NDST3: variants seen among roughly 807,000 people sequenced by gnomAD.
The protein encoded by NDST3 is N-deacetylase and N-sulfotransferase 3.
In NDST3, 58 loss-of-function variants were observed where a neutral mutation model predicts 96.1. That is an observed-to-expected ratio of 0.60 (90% CI 0.49 to 0.75). NDST3 has a LOEUF of 0.75. Among genes scored for constraint, NDST3 ranks in the 30% least tolerant of loss-of-function variants. The probability of loss-of-function intolerance (pLI) is 0.00; values close to 1 mark genes in which losing one functional copy is unlikely to be tolerated. For missense variants in NDST3, 788 were observed against 1,034.2 expected (o/e 0.76, Z 3.27); for synonymous variants, 333 against 359.7 (o/e 0.93, Z 0.84).
intron 6 of NDST3, among the ~76,000 whole-genome samples, chr4:118,160,838 G>A (rs200075969): frequency 6.6e-6 from 1 of 152,018 alleles, no homozygotes; most frequent in African/African-American, 2.4e-5. Context: ...GCTCGGAGTA[G>A]TTTGATCGTC....
intron 1 of NDST3, among the ~76,000 whole-genome samples, chr4:118,050,221 G>T (rs565771582): frequency 1.3e-5 from 2 of 152,082 alleles, no homozygotes; most frequent in African/African-American, 4.8e-5. Context: ...AGGCATTAAA[G>T]GAACATATCT....
intron 6 of NDST3, among the ~76,000 whole-genome samples, chr4:118,191,806 T>G (rs535409264): frequency 1.9e-3 from 286 of 152,346 alleles, no homozygotes; most frequent in African/African-American, 6.4e-3. Context: ...AGTTTGATAG[T>G]AGGATTGCTG....
chr4:118,182,278 G>T (rs913849257), intron 6 of NDST3, among the ~76,000 whole-genome samples: 5 of 152,172 alleles, frequency 3.3e-5, no homozygotes, highest in Non-Finnish European at 7.3e-5. Context: ...AGCTGTTCAT[G>T]GGAGGGAAGG....
At chr4:118,116,333 T>G (rs995243419) in intron 4 of NDST3, among the ~76,000 whole-genome samples, 2 of 152,122 alleles carry the variant, frequency 1.3e-5, no homozygotes, top group African/African-American at 2.4e-5. Flanking sequence ...AAAGCACCAG[T>G]AAAAGATAAG....
chr4:118,174,837 G>A (rs984029906), intron 6 of NDST3, among the ~76,000 whole-genome samples: 3 of 152,170 alleles, frequency 2.0e-5, no homozygotes, highest in South Asian at 2.1e-4. Flanking sequence ...TTTAGAATCC[G>A]ACTGTGACTA....
intron 6 of NDST3, among the ~76,000 whole-genome samples, chr4:118,161,548 T>C (rs1422940805): frequency 6.6e-6 from 1 of 152,140 alleles, no homozygotes; most frequent in Non-Finnish European, 1.5e-5. Context: ...CCCAGATGCT[T>C]TGTTTACCTA....
At chr4:118,175,261 G>A (rs936167241) in intron 6 of NDST3, among the ~76,000 whole-genome samples, 5 of 151,976 alleles carry the variant, frequency 3.3e-5, no homozygotes, top group African/African-American at 1.2e-4. Context: ...CCCTTTAACT[G>A]TAAAGCCATT....
chr4:118,135,537 AC>A (rs1733005725), intron 4 of NDST3, among the ~76,000 whole-genome samples: 1 of 152,094 alleles, frequency 6.6e-6, no homozygotes, highest in South Asian at 2.1e-4. Flanking sequence ...TTACCTCTGA[AC>A]CCCTTTGAGG....
At chr4:118,179,529 A>C (rs1048974480) in intron 6 of NDST3, among the ~76,000 whole-genome samples, 14 of 151,942 alleles carry the variant, frequency 9.2e-5, no homozygotes, top group African/African-American at 3.4e-4. Flanking sequence ...GTGGAGGTCC[A>C]CTCCCAATTA....
At chr4:118,093,564 T>A (rs1578624235) in intron 2 of NDST3, among the ~76,000 whole-genome samples, 1 of 151,940 alleles carries the variant, frequency 6.6e-6, no homozygotes, top group East Asian at 1.9e-4. Flanking sequence ...GTATCTAATT[T>A]TTGTGCTGAT....
At chr4:118,069,736 T>C (rs1726893612) in intron 2 of NDST3, among the ~76,000 whole-genome samples, 1 of 152,120 alleles carries the variant, frequency 6.6e-6, no homozygotes, top group African/African-American at 2.4e-5. Context: ...TGGTCACTTA[T>C]GTTTATTGTC....
chr4:118,188,722 T>C (rs911068459), intron 6 of NDST3, among the ~76,000 whole-genome samples: 1 of 152,202 alleles, frequency 6.6e-6, no homozygotes, highest in Admixed American at 6.6e-5. Context: ...CCAGGCTTCA[T>C]AATATGATCC....
At chr4:118,044,546 C>T (rs938101821) in intron 1 of NDST3, among the ~76,000 whole-genome samples, 4 of 152,170 alleles carry the variant, frequency 2.6e-5, no homozygotes, top group African/African-American at 7.2e-5. Flanking sequence ...ACTGCACTGG[C>T]GTGCCAGATC....
chr4:118,108,357 C>T (rs1730374146), intron 3 of NDST3, among the ~76,000 whole-genome samples: 3 of 152,088 alleles, frequency 2.0e-5, no homozygotes, highest in Admixed American at 2.0e-4. Context: ...TGTGTTAGAT[C>T]TAAATGAATA....
At position 118,116,271 on chromosome 4, in the gene NDST3, G is replaced by A. The variant is rs182488086; in HGVS notation, c.1224+1311G>A. On this transcript the variant is annotated intron_variant, in intron 4 of 13. Transcript: ENST00000296499. ...TGTGGTTTACTTCTAAATCTGTTGAGAAAAAGAGAAAGGGATTTGTGAGAG... is the reference window on the plus strand; with the variant it reads ...TGTGGTTTACTTCTAAATCTGTTGAAAAAAAGAGAAAGGGATTTGTGAGAG... 2.6e-5 allele frequency among the ~76,000 whole-genome samples: 4 copies of A among 152,218 alleles called. No homozygotes were observed. The East Asian group carries it at 7.7e-4, about 29-fold the overall frequency.
At chr4:118,179,970 T>C (rs1180284167) in intron 6 of NDST3, among the ~76,000 whole-genome samples, 1 of 152,092 alleles carries the variant, frequency 6.6e-6, no homozygotes, top group Non-Finnish European at 1.5e-5. Flanking sequence ...ATGAGGATGA[T>C]AGACTTTGTC....
At chr4:118,113,545 A>T (rs576692997) in intron 3 of NDST3, among the ~76,000 whole-genome samples, 2 of 152,180 alleles carry the variant, frequency 1.3e-5, no homozygotes, top group Non-Finnish European at 2.9e-5. Flanking sequence ...AAGGTTTTCA[A>T]TGCCCACCAA....
At chr4:118,063,795 C>A (rs562460601) in intron 2 of NDST3, among the ~76,000 whole-genome samples, 2 of 152,140 alleles carry the variant, frequency 1.3e-5, no homozygotes, top group African/African-American at 4.8e-5. Flanking sequence ...CAAGATCTTA[C>A]AACTAGTAAG....
chr4:118,215,348 A>C (rs903794433), intron 6 of NDST3, among the ~76,000 whole-genome samples: 2 of 152,162 alleles, frequency 1.3e-5, no homozygotes, highest in Non-Finnish European at 2.9e-5. Flanking sequence ...ACCATGTTCA[A>C]TGGAGTAGAT....
Sources: allele counts gnomAD v4.1 joint callset (sites outside exome capture counted in the v4.1 genomes callset), GRCh38; gene constraint gnomAD v4.1.1; transcripts MANE v1.5; gene names NCBI Gene and HGNC (gene_info 2026-07-23, HGNC 2026-07-21).